YLPM1: variants seen among roughly 807,000 people sequenced by gnomAD.
YLPM1 encodes YLP motif containing 1, also known as YLP motif-containing protein 1.
YLPM1 carries 99 observed loss-of-function variants against 230.0 expected under a neutral mutation model. The observed-to-expected ratio is 0.43, with a 90% CI of 0.37 to 0.51. The LOEUF (loss-of-function observed/expected upper bound fraction) is 0.51. Ranked by LOEUF, YLPM1 falls within the 20% of genes least tolerant of loss-of-function variation. YLPM1 has a pLI of 0.00. For synonymous variants in YLPM1, 984 were observed against 942.5 expected, an observed-to-expected ratio of 1.04 and a Z score of -0.81; for missense variants, 2,592 against 2,707.7, an observed-to-expected ratio of 0.96 and a Z score of 0.95.
chr14:74,817,275 A>G lies in YLPM1; in HGVS notation c.5944A>G (p.Lys1982Glu). 1 of 1,574,966 alleles carries G rather than the reference A, an allele frequency of 6.3e-7. No individual in the cohort carries two copies. Among genetic ancestry groups the G allele is most frequent in the Non-Finnish European group, 8.6e-7 (1 of 1,159,242 alleles). ...TGGAAGAAAGCTTAAAGAAATAAATAAGGTGATTTTAAGAAACATAGAATA... is the reference window on the plus strand; with the variant it reads ...TGGAAGAAAGCTTAAAGAAATAAATGAGGTGATTTTAAGAAACATAGAATA... ...IHGRKLKEIN[K>E]MADHWETAPR... Residue 1982 changes from lysine (K) to glutamate (E), a missense_variant and splice_region_variant, in exon 15 of 21, where the codon AAG (lysine) becomes GAG (glutamate). Lys to Glu is a moderately conservative substitution (Grantham distance 56). This residue lies in a region of YLPM1 where 315 missense variants were observed against 429.3 expected (regional missense o/e 0.73). Coordinates refer to ENST00000325680, the MANE Select transcript of YLPM1 (RefSeq NM_019589.3).
In YLPM1 at chr14:74,778,032, A is replaced by C. The variant is rs568688599; in HGVS notation, c.874-415A>C. On this transcript the variant is annotated intron_variant, in intron 1 of 20. Coordinates refer to ENST00000325680, the MANE Select transcript of YLPM1 (RefSeq NM_019589.3). The stretch of plus-strand genomic sequence containing the variant: ...TTGAGGAGAAAGAGAGAAGGCAGAG[A>C]AGAGAGGTAGGACTGTTCAGTTATA... 5.9e-5 allele frequency among the ~76,000 whole-genome samples: 9 copies of C among 152,134 alleles called. No homozygotes were observed. The East Asian group carries it at 1.2e-3, about 20-fold the overall frequency.
In YLPM1 at chr14:74,782,199, G is replaced by T; in HGVS notation, c.2156G>T (p.Gly719Val). 1 of 1,606,916 alleles carries T rather than the reference G, an allele frequency of 6.2e-7. No individual in the cohort carries two copies. Among genetic ancestry groups the T allele is most frequent in the South Asian group, 1.1e-5 (1 of 91,040 alleles). The part of the protein sequence containing the change: ...LPYSSFSSDQ[G>V]LGESSAAPSQ... ...TACAGTTCATTCTCATCTGATCAAG[G>T]ACTTGGGGAGTCTTCAGCTGCTCCA... Residue 719 changes from glycine to valine, a missense_variant, in exon 4 of 21, where the codon GGA (glycine) becomes GTA (valine). Coordinates refer to ENST00000325680, the MANE Select transcript of YLPM1 (RefSeq NM_019589.3).
rs2091417940 is a variant in YLPM1, at chr14:74,809,932, A to G, written c.4962A>G (p.Glu1654=). 1.9e-6 allele frequency: 3 copies of G among 1,609,450 alleles called. No individual in the cohort carries two copies. Among genetic ancestry groups the G allele is most frequent in the Non-Finnish European group, 2.5e-6 (3 of 1,177,588 alleles). Reference sequence around the variant, plus strand: ...CAGATATATCCACTAATAAAGTTGAACAGATACCTTATGGAGAAAGAATAA... The same window carrying G: ...CAGATATATCCACTAATAAAGTTGAGCAGATACCTTATGGAGAAAGAATAA... ...HGRDISTNKV[E]QIPYGERITL... The change falls in exon 8 of 21, where the codon GAA becomes GAG. Residue 1654 remains glutamate (E), a synonymous_variant. Transcript: ENST00000325680.
rs1430206408 is a variant in YLPM1 at position 74,799,199 on chromosome 14, A to G, written c.3902A>G (p.Asp1301Gly). ...DRISRPMDMY[D>G]RSLDNEWDRD... is the part of the protein sequence containing the mutation. The stretch of plus-strand genomic sequence containing the variant: ...ATTTCAAGACCTATGGATATGTATG[A>G]TAGAAGTTTGGATAATGAGTGGGAC... The change falls in exon 5 of 21, where the codon GAT (aspartate) becomes GGT (glycine). Residue 1301 changes from aspartate to glycine, a missense_variant. Physicochemically the swap from Asp to Gly is moderately conservative, Grantham distance 94. This residue lies in a region of YLPM1 where 1,862 missense variants were observed against 1,819.8 expected (regional missense o/e 1.02). Coordinates refer to ENST00000325680, the MANE Select transcript of YLPM1 (RefSeq NM_019589.3). 5.6e-6 allele frequency: 9 copies of G among 1,613,982 alleles called. No homozygotes were observed. The highest frequency in any genetic ancestry group is 7.6e-6 in the Non-Finnish European group (9 of 1,179,886).
chr14:74,807,833 G>A (rs2091394255), intron 6 of YLPM1, among the ~76,000 whole-genome samples: 2 of 152,222 alleles, frequency 1.3e-5, no homozygotes, highest in Non-Finnish European at 2.9e-5. Flanking sequence ...TTCTCTCACT[G>A]AAAATTTACT....
rs768942005 is a variant in YLPM1, at chr14:74,781,789, C to T, written c.1746C>T (p.Leu582=). The change falls in exon 4 of 21, where the codon CTC becomes CTT. Residue 582 remains leucine (L), a synonymous_variant. Coordinates refer to ENST00000325680, the MANE Select transcript of YLPM1 (RefSeq NM_019589.3). ...CCCCACCAGGGATGCCTCCTTCTCT[C>T]TCTTCTGCAGGGCCACCACCAGTTC... The part of the protein sequence containing the change: ...SVPPPGMPPS[L]SSAGPPPVLP... The T allele has an allele frequency of 6.2e-7, 1 of 1,612,490 alleles. No individual in the cohort carries two copies. The highest frequency in any genetic ancestry group is 2.2e-5 in the East Asian group (1 of 44,818).
chr14:74,781,335 C>A lies in YLPM1; in HGVS notation c.1292C>A (p.Thr431Asn), dbSNP rs1299052669. ...QIIQPPPHIQ[T>N]MSVDMQLRHY... Reference sequence around the variant, plus strand: ...TAGTTTTTATCCCTTTATTTGTAGACCATGTCTGTAGATATGCAGCTGCGG... The same window carrying A: ...TAGTTTTTATCCCTTTATTTGTAGAACATGTCTGTAGATATGCAGCTGCGG... Residue 431 changes from threonine (T) to asparagine (N), a missense_variant and splice_region_variant, in exon 4 of 21, where the codon ACC becomes AAC. Transcript: ENST00000325680. The A allele has an allele frequency of 6.5e-7, 1 of 1,546,406 alleles. No individual in the cohort carries two copies. The highest frequency in any genetic ancestry group is 8.7e-7 in the Non-Finnish European group (1 of 1,146,268).
In YLPM1 at chr14:74,798,570, G is replaced by C; in HGVS notation, c.3273G>C (p.Glu1091Asp). Residue 1091 changes from glutamate (E) to aspartate (D), a missense_variant, in exon 5 of 21, where the codon GAG becomes GAC. Glu to Asp is a conservative substitution (Grantham distance 45, BLOSUM62 2). Coordinates refer to ENST00000325680, the MANE Select transcript of YLPM1 (RefSeq NM_019589.3). ...RGLVRPGSSREKVPGGLQGSQ... is the reference protein window; with the variant it reads ...RGLVRPGSSRDKVPGGLQGSQ... ...TGGTGAGGCCTGGAAGCAGTCGGGA[G>C]AAAGTGCCAGGTGGTCTTCAAGGGA... The C allele has an allele frequency of 6.2e-7, 1 of 1,613,858 alleles. No individual in the cohort carries two copies. Among genetic ancestry groups the C allele is most frequent in the Non-Finnish European group, 8.5e-7 (1 of 1,179,826 alleles).
At position 74,784,346 on chromosome 14, in the gene YLPM1, C is replaced by T. The variant is rs552822768; in HGVS notation, c.2282+2021C>T. The stretch of plus-strand genomic sequence containing the variant: ...AGCAATTATCTAATATATCTGTCTA[C>T]GGCAACGCACGTTTGTATTCCATTT... On this transcript the variant is annotated intron_variant, in intron 4 of 20. Coordinates refer to ENST00000325680, the MANE Select transcript of YLPM1 (RefSeq NM_019589.3). Among the ~76,000 whole-genome samples, 93 of 152,320 alleles carry T rather than the reference C, an allele frequency of 6.1e-4. 2 individuals are homozygous for T. The highest frequency in any genetic ancestry group is 5.6e-3 in the Admixed American group (86 of 15,296).
chr14:74,799,135 A>T lies in YLPM1; in HGVS notation c.3838A>T (p.Arg1280Trp). Residue 1280 changes from arginine (R) to tryptophan (W), a missense_variant, in exon 5 of 21, where the codon AGG becomes TGG. By Grantham distance (101) the Arg-to-Trp change is moderately radical (BLOSUM62 -3). This residue lies in a region of YLPM1 where 1,862 missense variants were observed against 1,819.8 expected (regional missense o/e 1.02). Transcript: ENST00000325680. ...RDQDMDEDYN[R>W]EMERDMDRDV... ...CCAGGATATGGATGAGGACTACAAT[A>T]GGGAAATGGAAAGGGACATGGACAG... 1 of 1,613,886 alleles carries T rather than the reference A, an allele frequency of 6.2e-7. No individual in the cohort carries two copies. The highest frequency in any genetic ancestry group is 1.1e-5 in the South Asian group (1 of 91,054).
At chr14:74,830,806 TCA>T (rs370556517) in intron 19 of YLPM1, among the ~76,000 whole-genome samples, 9 of 152,250 alleles carry the variant, frequency 5.9e-5, no homozygotes, top group African/African-American at 2.2e-4. Context: ...TCACATGAAC[TCA>T]GAGTGTGAAC....
At chr14:74,835,729 T>G in intron 20 of YLPM1, 46 bp from the exon 21 acceptor site, 2 of 416,270 alleles carry the variant, frequency 4.8e-6, no homozygotes, top group Non-Finnish European at 9.1e-6. Context: ...TACTGAACTT[T>G]TTGCCTGTTC....
intron 1 of YLPM1, among the ~76,000 whole-genome samples, chr14:74,773,103 T>C (rs998270504): frequency 1.7e-4 from 26 of 152,048 alleles, no homozygotes; most frequent in Admixed American, 3.9e-4. Context: ...CTGGCTAACA[T>C]GGTGAAACCC....
chr14:74,802,471 C>CCT, intron 5 of YLPM1, 85 bp from the exon 6 acceptor site: 2 of 1,464,254 alleles, frequency 1.4e-6, no homozygotes, highest in Non-Finnish European at 1.8e-6. Flanking sequence ...TTTAGGTCTC[C>CCT]TTTTTTTAAT....
At position 74,816,675 on chromosome 14, in the gene YLPM1, G is replaced by C; in HGVS notation, c.5670G>C (p.Lys1890Asn). Residue 1890 changes from lysine to asparagine, a missense_variant, in exon 13 of 21, where the codon AAG becomes AAC. Lys to Asn is a moderately conservative substitution (Grantham distance 94). This residue lies in a region of YLPM1 where 315 missense variants were observed against 429.3 expected (regional missense o/e 0.73). Transcript: ENST00000325680. ...AAGAAAAAGATCCAGATTCTGGAAA[G>C]AAAGTGAAAAAGAAGGTATGGTATT... is the stretch of plus-strand genomic sequence containing the variant. ...EKEEKDPDSGKKVKKKVMEYE... is the reference protein window; with the variant it reads ...EKEEKDPDSGNKVKKKVMEYE... 1 of 1,612,310 alleles carries C rather than the reference G, an allele frequency of 6.2e-7. No homozygotes were observed. The highest frequency in any genetic ancestry group is 8.5e-7 in the Non-Finnish European group (1 of 1,179,294).
intron 19 of YLPM1, among the ~76,000 whole-genome samples, chr14:74,830,603 A>G (rs2091601548): frequency 6.6e-6 from 1 of 152,142 alleles, no homozygotes; most frequent in Non-Finnish European, 1.5e-5. Context: ...AGATTGGGTA[A>G]TTCATGAAGA....
rs960348551 is a variant in YLPM1 at position 74,763,476 on chromosome 14, C to T, written c.-14C>T. 29 of 1,440,682 alleles carry T rather than the reference C, an allele frequency of 2.0e-5. No homozygotes were observed. The South Asian group carries it at 3.6e-4, about 18-fold the overall frequency. The allele number at this position is 1,440,682 out of a possible 1,614,324, so 89.2% of individuals were successfully genotyped here. ...TAACGGCGCCAGGACGAGCCCTGCGCCTTCTTTTTCGATATGTACCCGAAT... is the reference window on the plus strand; with the variant it reads ...TAACGGCGCCAGGACGAGCCCTGCGTCTTCTTTTTCGATATGTACCCGAAT... On this transcript the variant is annotated 5_prime_UTR_variant, in exon 1 of 21. Coordinates refer to ENST00000325680, the MANE Select transcript of YLPM1 (RefSeq NM_019589.3).
intron 4 of YLPM1, among the ~76,000 whole-genome samples, chr14:74,794,596 A>T (rs1035770100): frequency 1.2e-5 from 1 of 83,110 alleles, no homozygotes; most frequent in Non-Finnish European, 2.6e-5. Flanking sequence ...AAGCACACAA[A>T]GTCTTTTTTT....
At chr14:74,832,863 C>T (rs2091618197) in intron 19 of YLPM1, among the ~76,000 whole-genome samples, 1 of 152,094 alleles carries the variant, frequency 6.6e-6, no homozygotes. Context: ...ATCCTATATT[C>T]TTTATTTTAT....
Sources: gnomAD v4.1 joint callset for allele counts (sites outside exome capture counted in the v4.1 genomes callset) on GRCh38, gnomAD v4.1.1 for gene constraint, gnomAD v4.1.1 regional missense constraint, MANE v1.5 for transcripts, NCBI Gene and HGNC (gene_info 2026-07-23, HGNC 2026-07-21) for gene names.